NPAS3: variants seen among roughly 807,000 people sequenced by gnomAD.
The protein encoded by NPAS3 is neuronal PAS domain-containing protein 3.
In NPAS3, 14 loss-of-function variants were observed where a neutral mutation model predicts 73.1. That is an observed-to-expected ratio of 0.19 (90% CI 0.13 to 0.30). The LOEUF is 0.30. Among genes scored for constraint, NPAS3 ranks in the 10% least tolerant of loss-of-function variants. NPAS3 has a pLI of 1.00. For missense variants in NPAS3, 1,096 were observed against 1,250.0 expected, an observed-to-expected ratio of 0.88 and a Z score of 1.86; for synonymous variants, 620 against 541.5, an observed-to-expected ratio of 1.14 and a Z score of -2.01.
At chr14:33,093,144 C>T (rs1276550925) in intron 2 of NPAS3, among the ~76,000 whole-genome samples, 1 of 152,198 alleles carries the variant, frequency 6.6e-6, no homozygotes, top group East Asian at 1.9e-4. Context: ...TAAAGAGCTT[C>T]TGCACAGCAA....
rs548407825 is a variant in NPAS3, at chr14:33,670,049, T to C, written c.559-6162T>C. On this transcript the variant is annotated intron_variant, in intron 5 of 11. Coordinates refer to ENST00000356141, the Ensembl canonical transcript of NPAS3. ...TCCTGCCTCAGCCTCCCATATGCAG[T>C]GTCTCTTTGGGTGCTGCGGTTGCAA... Among the ~76,000 whole-genome samples the C allele has an allele frequency of 5.9e-5, 9 of 152,200 alleles. 1 individual carries two copies. The South Asian group carries it at 1.5e-3, about 25-fold the overall frequency.
chr14:32,997,293 C>G (rs1178449186), intron 1 of NPAS3, among the ~76,000 whole-genome samples: 2 of 152,142 alleles, frequency 1.3e-5, no homozygotes, highest in African/African-American at 4.8e-5. Flanking sequence ...CTTGCCTTGT[C>G]TCAGATGAGA....
At chr14:33,418,314 G>A (rs973832712) in intron 4 of NPAS3, among the ~76,000 whole-genome samples, 4 of 151,846 alleles carry the variant, frequency 2.6e-5, no homozygotes, top group African/African-American at 7.3e-5. Flanking sequence ...CTTTTCACCC[G>A]GATACCTGCT....
intron 2 of NPAS3, among the ~76,000 whole-genome samples, chr14:33,129,540 A>C (rs1414002658): frequency 3.9e-5 from 6 of 152,202 alleles, no homozygotes; most frequent in African/African-American, 1.4e-4. Context: ...GTGCTTGTAA[A>C]GAAATGTCTG....
At chr14:33,236,680 T>C (rs1480144891) in intron 3 of NPAS3, among the ~76,000 whole-genome samples, 3 of 152,148 alleles carry the variant, frequency 2.0e-5, no homozygotes, top group Admixed American at 6.6e-5. Flanking sequence ...CCCTGTGACC[T>C]TGGCTGATGG....
At chr14:33,246,999 G>A (rs2048414359) in intron 3 of NPAS3, among the ~76,000 whole-genome samples, 1 of 151,934 alleles carries the variant, frequency 6.6e-6, no homozygotes, top group Admixed American at 6.6e-5. Flanking sequence ...GGGTGACAGA[G>A]CAATACCCTG....
chr14:33,408,174 G>T (rs2047750773), intron 4 of NPAS3, among the ~76,000 whole-genome samples: 1 of 152,042 alleles, frequency 6.6e-6, no homozygotes, highest in Non-Finnish European at 1.5e-5. Flanking sequence ...GTACTAGATG[G>T]TCCTCATTGT....
intron 4 of NPAS3, among the ~76,000 whole-genome samples, chr14:33,454,740 T>C (rs145667639): frequency 6.6e-6 from 1 of 152,308 alleles, no homozygotes; most frequent in African/African-American, 2.4e-5. Flanking sequence ...ATTTCTTTTC[T>C]ACCGCTCAAC....
chr14:33,561,081 G>T (rs1467645809), intron 5 of NPAS3, among the ~76,000 whole-genome samples: 2 of 152,296 alleles, frequency 1.3e-5, no homozygotes, highest in East Asian at 3.9e-4. Context: ...CAGTGGGAGG[G>T]ATTTTGTGTG....
At chr14:33,397,646 T>C (rs2047279730) in intron 4 of NPAS3, among the ~76,000 whole-genome samples, 1 of 152,160 alleles carries the variant, frequency 6.6e-6, no homozygotes, top group Non-Finnish European at 1.5e-5. Flanking sequence ...GTGGACTTAT[T>C]TCAGTTGGTT....
intron 2 of NPAS3, among the ~76,000 whole-genome samples, chr14:33,155,121 C>T (rs983389388): frequency 6.6e-6 from 1 of 152,164 alleles, no homozygotes; most frequent in African/African-American, 2.4e-5. Context: ...GTTTGCTGAT[C>T]TTGGTTTAAA....
intron 2 of NPAS3, among the ~76,000 whole-genome samples, chr14:33,193,934 G>T (rs2046258228): frequency 6.6e-6 from 1 of 151,986 alleles, no homozygotes; most frequent in South Asian, 2.1e-4. Flanking sequence ...AGCCTTTACA[G>T]TTGCAAGATT....
chr14:33,677,524 A>G (rs2059802838), intron 6 of NPAS3, among the ~76,000 whole-genome samples: 2 of 152,292 alleles, frequency 1.3e-5, no homozygotes, highest in South Asian at 4.1e-4. Flanking sequence ...AGAAAAACCT[A>G]TGTTAAGATT....
chr14:33,468,979 C>T (rs17101308), intron 4 of NPAS3, among the ~76,000 whole-genome samples: 7,628 of 152,198 alleles, frequency 0.05, 244 homozygotes, highest in South Asian at 0.084. Context: ...ATTTGATAAT[C>T]AAGCAACAAA....
intron 5 of NPAS3, among the ~76,000 whole-genome samples, chr14:33,565,012 A>G (rs1467628062): frequency 1.3e-5 from 2 of 152,162 alleles, no homozygotes; most frequent in African/African-American, 2.4e-5. Flanking sequence ...TCACCCTTAT[A>G]TAAGGTATTT....
At chr14:33,315,072 AAAAC>A (rs1160001820) in intron 3 of NPAS3, among the ~76,000 whole-genome samples, 1 of 152,058 alleles carries the variant, frequency 6.6e-6, no homozygotes, top group Non-Finnish European at 1.5e-5. Context: ...GGTATAGAGA[AAAAC>A]AGAGATGAGA....
chr14:33,784,906 A>G (rs1189610869), intron 9 of NPAS3, among the ~76,000 whole-genome samples: 5 of 149,032 alleles, frequency 3.4e-5, no homozygotes, highest in African/African-American at 1.2e-4. Context: ...ATGCGCCACC[A>G]CGCCCGGCTA....
chr14:33,467,643 C>A (rs1257616292), intron 4 of NPAS3, among the ~76,000 whole-genome samples: 1 of 152,148 alleles, frequency 6.6e-6, no homozygotes, highest in African/African-American at 2.4e-5. Context: ...GTCCCTCCCC[C>A]GGCTATTTTG....
chr14:32,972,844 G>T (rs1018600328), intron 1 of NPAS3, among the ~76,000 whole-genome samples: 1 of 152,146 alleles, frequency 6.6e-6, no homozygotes, highest in African/African-American at 2.4e-5. Flanking sequence ...TTTACCCTCA[G>T]ATTCCATTCA....
Sources: gnomAD v4.1 joint callset for allele counts (sites outside exome capture counted in the v4.1 genomes callset) on GRCh38, gnomAD v4.1.1 for gene constraint, MANE v1.5 for transcripts, NCBI Gene and HGNC (gene_info 2026-07-23, HGNC 2026-07-21) for gene names.